FBXO4: variants seen among roughly 807,000 people sequenced by gnomAD.
The protein encoded by FBXO4 is F-box protein 4.
In FBXO4, 36 loss-of-function variants were observed where a neutral mutation model predicts 43.7. The observed-to-expected ratio is 0.82, with a 90% CI of 0.63 to 1.09. The LOEUF is 1.09. FBXO4 is among the 50% of genes least tolerant of loss of function. The pLI is 0.00. For missense variants in FBXO4, 435 were observed against 474.1 expected, an observed-to-expected ratio of 0.92 and a Z score of 0.77; for synonymous variants, 180 against 165.6, an observed-to-expected ratio of 1.09 and a Z score of -0.67.
chr5:41,958,479 G>A, the FBXO4 span, among the ~76,000 whole-genome samples: 1 of 152,132 alleles, frequency 6.6e-6, no homozygotes, highest in Non-Finnish European at 1.5e-5. Flanking sequence ...TAGTAAACAT[G>A]AGTACAATAG....
chr5:41,934,175 TAAC>T lies in FBXO4; in HGVS notation c.768_770del (p.Asn256del). On this transcript the variant is annotated inframe_deletion, in exon 5 of 7. Coordinates refer to ENST00000281623, the MANE Select transcript of FBXO4 (RefSeq NM_012176.3). ...CAAGGGAAGAGCATACAAGTGCAGT[TAAC>T]AAGATGTTCAGTCGACACAATGAAG... 6.2e-7 allele frequency: 1 copy of T among 1,614,086 alleles called. No individual in the cohort carries two copies.
At chr5:41,988,885 A>T in the FBXO4 span, among the ~76,000 whole-genome samples, 5 of 152,248 alleles carry the variant, frequency 3.3e-5, no homozygotes, top group Admixed American at 2.6e-4. Context: ...AGAACAAAAA[A>T]GATATAGAAG....
the FBXO4 span, among the ~76,000 whole-genome samples, chr5:41,983,407 T>G: frequency 2.0e-5 from 3 of 148,854 alleles, no homozygotes; most frequent in African/African-American, 7.3e-5. Flanking sequence ...CTGTCAACTT[T>G]AGCATTTTCT....
chr5:41,976,020 G>A, the FBXO4 span, among the ~76,000 whole-genome samples: 1 of 152,092 alleles, frequency 6.6e-6, no homozygotes, highest in East Asian at 1.9e-4. Flanking sequence ...AGAGAGGGGA[G>A]AGGTTCCATG....
At chr5:41,926,081 G>T (rs1293978016) in intron 1 of FBXO4, among the ~76,000 whole-genome samples, 2 of 152,166 alleles carry the variant, frequency 1.3e-5, no homozygotes, top group African/African-American at 4.8e-5. Context: ...ATAACTTATT[G>T]TTAAACTTTG....
At chr5:41,971,657 A>C in the FBXO4 span, among the ~76,000 whole-genome samples, 1 of 151,998 alleles carries the variant, frequency 6.6e-6, no homozygotes, top group Non-Finnish European at 1.5e-5. Flanking sequence ...TTTTAGTATG[A>C]ATCTTAAAAT....
At chr5:42,009,125 G>A in the FBXO4 span, among the ~76,000 whole-genome samples, 1 of 152,158 alleles carries the variant, frequency 6.6e-6, no homozygotes, top group Non-Finnish European at 1.5e-5. Context: ...CAGTGCTTCA[G>A]GGCAGGTGCT....
At chr5:41,944,592 A>G (rs755130958), downstream of FBXO4, among the ~76,000 whole-genome samples, 1 of 152,252 alleles carries the variant, frequency 6.6e-6, no homozygotes, top group Non-Finnish European at 1.5e-5. Context: ...ATGAGACTAC[A>G]TAAATGTTAG....
chr5:41,933,812 T>G, intron 3 of FBXO4, 134 bp from the exon 4 acceptor site: 1 of 644,722 alleles, frequency 1.6e-6, no homozygotes, highest in East Asian at 2.8e-5. Context: ...CGTATACATT[T>G]TATTTCAACT....
At chr5:41,988,307 G>T in the FBXO4 span, among the ~76,000 whole-genome samples, 7 of 152,104 alleles carry the variant, frequency 4.6e-5, no homozygotes. Context: ...GGAAATAGCA[G>T]GTTAGGCTCT....
At chr5:42,007,690 C>A in the FBXO4 span, among the ~76,000 whole-genome samples, 5 of 152,216 alleles carry the variant, frequency 3.3e-5, no homozygotes, top group South Asian at 1.0e-3. Context: ...CTTAGGTGAT[C>A]CAACTCATTG....
the FBXO4 span, among the ~76,000 whole-genome samples, chr5:42,027,191 C>T: frequency 6.6e-6 from 1 of 151,720 alleles, no homozygotes; most frequent in Admixed American, 6.6e-5. Context: ...CTTTTCTTTA[C>T]TGGAAGACTT....
chr5:41,955,774 T>A, the FBXO4 span, among the ~76,000 whole-genome samples: 2 of 152,028 alleles, frequency 1.3e-5, no homozygotes, highest in African/African-American at 4.8e-5. Context: ...TACCCAAGGA[T>A]GAAGAAAGAA....
In FBXO4 at chr5:41,929,698, TATAGA is replaced by T; in HGVS notation, c.430_434del (p.Arg144ValfsTer31). On this transcript the variant is annotated frameshift_variant and splice_region_variant, in exon 3 of 7. Transcript: ENST00000281623. LOFTEE classifies it high-confidence loss of function. ...TCTAATTGTGACAATTTTTTACAGC[TATAGA>T]ATGTGCTGTCCATACACAAGAAGAG... is the stretch of plus-strand genomic sequence containing the variant. 1 of 1,595,914 alleles carries T rather than the reference TATAGA, an allele frequency of 6.3e-7. No individual in the cohort carries two copies. Among genetic ancestry groups the T allele is most frequent in the Non-Finnish European group, 8.5e-7 (1 of 1,173,118 alleles).
intron 6 of FBXO4, among the ~76,000 whole-genome samples, chr5:41,940,150 C>A (rs1381421249): frequency 6.6e-6 from 1 of 151,676 alleles, no homozygotes; most frequent in African/African-American, 2.4e-5. Flanking sequence ...CATGCTCAGC[C>A]AGGTTGTTTT....
At chr5:42,023,527 A>C in the FBXO4 span, among the ~76,000 whole-genome samples, 8 of 152,058 alleles carry the variant, frequency 5.3e-5, no homozygotes, top group East Asian at 1.6e-3. Flanking sequence ...TTCTTTCCTA[A>C]ATTGTTATAC....
the FBXO4 span, among the ~76,000 whole-genome samples, chr5:41,965,080 C>A: frequency 7.2e-5 from 11 of 152,238 alleles, no homozygotes; most frequent in African/African-American, 2.6e-4. Context: ...AGGAAGGGAT[C>A]CAGTTTCAGC....
At chr5:42,033,957 A>G in the FBXO4 span, among the ~76,000 whole-genome samples, 1 of 152,226 alleles carries the variant, frequency 6.6e-6, no homozygotes, top group Non-Finnish European at 1.5e-5. Flanking sequence ...CAATGGTTGA[A>G]TTAATTTACA....
At chr5:41,979,272 C>T in the FBXO4 span, among the ~76,000 whole-genome samples, 5 of 152,168 alleles carry the variant, frequency 3.3e-5, no homozygotes, top group African/African-American at 9.7e-5. Context: ...TTGTGTTCTT[C>T]AGTACTCCAG....
Sources: gnomAD v4.1 joint callset for allele counts (sites outside exome capture counted in the v4.1 genomes callset) on GRCh38, gnomAD v4.1.1 for gene constraint, MANE v1.5 for transcripts, NCBI Gene and HGNC (gene_info 2026-07-23, HGNC 2026-07-21) for gene names.